Variants in KCNU1 observed in about 807,000 individuals in gnomAD.
The protein encoded by KCNU1 is potassium calcium-activated channel subfamily U member 1.
In KCNU1, 93 loss-of-function variants were observed where a neutral mutation model predicts 126.8. The observed-to-expected ratio is 0.73, with a 90% CI of 0.62 to 0.87. The LOEUF is 0.87. Among genes scored for constraint, KCNU1 ranks in the 40% least tolerant of loss-of-function variants. The pLI is 0.00. For synonymous variants in KCNU1, 523 were observed against 494.2 expected (o/e 1.06, Z -0.77); for missense variants, 1,330 against 1,367.1 (o/e 0.97, Z 0.43).
At chr8:36,912,590 T>G (rs1280698431) in intron 22 of KCNU1, among the ~76,000 whole-genome samples, 2 of 152,118 alleles carry the variant, frequency 1.3e-5, no homozygotes, top group African/African-American at 4.8e-5. Context: ...ACTCCTTGGA[T>G]TCACTCATCA....
Position 36,900,384 on chromosome 8 carries a change from C to T in KCNU1, c.2010-5324C>T, listed in dbSNP as rs899737971. Among the ~76,000 whole-genome samples the T allele has an allele frequency of 9.2e-5, 14 of 151,822 alleles. No homozygotes were observed. In the East Asian group the frequency reaches 9.7e-4, roughly 11 times the overall value. The stretch of plus-strand genomic sequence containing the variant: ...AATTTCCCTCCAAGGTAAAATAAAA[C>T]GCCTCATAAAGAATAAACAGCAATG... On this transcript the variant is annotated intron_variant, in intron 19 of 26. Transcript: ENST00000399881.
intron 10 of KCNU1, among the ~76,000 whole-genome samples, chr8:36,830,300 A>C (rs1183596058): frequency 6.6e-6 from 1 of 151,806 alleles, no homozygotes; most frequent in Non-Finnish European, 1.5e-5. Context: ...TCATTTTTAA[A>C]AGCACCTTTA....
intron 2 of KCNU1, among the ~76,000 whole-genome samples, chr8:36,803,756 GACAAAC>G (rs1464276753): frequency 6.6e-6 from 1 of 152,146 alleles, no homozygotes; most frequent in Non-Finnish European, 1.5e-5. Context: ...CAGCAGGAAG[GACAAAC>G]TGTGTATTCT....
chr8:36,792,945 T>A (rs1462308981), intron 2 of KCNU1, among the ~76,000 whole-genome samples: 1 of 152,088 alleles, frequency 6.6e-6, no homozygotes, highest in Non-Finnish European at 1.5e-5. Context: ...ATTCTAACAA[T>A]AAGTGATATC....
chr8:36,928,498 A>C (rs934745999), intron 24 of KCNU1, among the ~76,000 whole-genome samples: 1 of 152,140 alleles, frequency 6.6e-6, no homozygotes, highest in Non-Finnish European at 1.5e-5. Context: ...AAGAAGAAAC[A>C]TAAGGAGGAA....
chr8:36,808,634 G>T, intron 6 of KCNU1, 84 bp from the exon 7 acceptor site: 2 of 833,418 alleles, frequency 2.4e-6, no homozygotes, highest in Admixed American at 2.1e-5. Flanking sequence ...GCCACACTTT[G>T]TGTAGCAACA....
intron 2 of KCNU1, among the ~76,000 whole-genome samples, 170 bp from the exon 3 acceptor site, chr8:36,803,857 A>G (rs1803400042): frequency 6.6e-6 from 1 of 152,084 alleles, no homozygotes; most frequent in African/African-American, 2.4e-5. Flanking sequence ...ATCAAGTTGG[A>G]CCTTGAATCG....
Position 36,836,844 on chromosome 8 carries a change from A to T in KCNU1, c.1417A>T (p.Ile473Phe). The change falls in exon 14 of 27, where the codon ATC becomes TTC. Residue 473 changes from isoleucine (I) to phenylalanine (F), a missense_variant. Ile to Phe is a conservative substitution (Grantham distance 21). Transcript: ENST00000399881. ...GAACTGGGACACCGGAGACAACATC[A>T]TCTGCTTTGCTGAATTAAAACTTGG... Reference protein sequence around the residue: ...SWNWDTGDNIICFAELKLGFI... With the variant: ...SWNWDTGDNIFCFAELKLGFI... 6.2e-7 allele frequency: 1 copy of T among 1,613,836 alleles called. No individual in the cohort carries two copies. Among genetic ancestry groups the T allele is most frequent in the Non-Finnish European group, 8.5e-7 (1 of 1,179,774 alleles).
chr8:36,854,496 A>G (rs1805463002), intron 18 of KCNU1, among the ~76,000 whole-genome samples: 1 of 148,314 alleles, frequency 6.7e-6, no homozygotes, highest in South Asian at 2.1e-4. Flanking sequence ...TGCATGCTCA[A>G]GTCTGATCTT....
rs188726172 is a variant in KCNU1, at chr8:36,912,836, C to T, written c.2521+1717C>T. ...TACAAAAATTAGCTTGGTGTGGTGG[C>T]GCACGCCTGTAATCCCAGCTACTCG... is the stretch of plus-strand genomic sequence containing the variant. On this transcript the variant is annotated intron_variant, in intron 22 of 26. Coordinates refer to ENST00000399881, the MANE Select transcript of KCNU1 (RefSeq NM_001031836.3). 1.4e-4 allele frequency among the ~76,000 whole-genome samples: 21 copies of T among 151,090 alleles called. No homozygotes were observed. In the South Asian group the frequency reaches 2.9e-3, roughly 21 times the overall value.
At chr8:36,915,110 A>T (rs1052304745) in intron 22 of KCNU1, among the ~76,000 whole-genome samples, 9 of 152,232 alleles carry the variant, frequency 5.9e-5, no homozygotes, top group Admixed American at 2.6e-4. Context: ...CGATTAGAAC[A>T]CTAGATTCTA....
At chr8:36,800,555 G>T (rs533465875) in intron 2 of KCNU1, among the ~76,000 whole-genome samples, 1 of 152,146 alleles carries the variant, frequency 6.6e-6, no homozygotes, top group Non-Finnish European at 1.5e-5. Flanking sequence ...TCAGCCTCAG[G>T]GTGTCTCCTC....
chr8:36,882,898 C>G (rs910204585), intron 19 of KCNU1, among the ~76,000 whole-genome samples: 2 of 152,196 alleles, frequency 1.3e-5, no homozygotes, highest in African/African-American at 4.8e-5. Flanking sequence ...ATTTGTTTAA[C>G]TGTTAAATAT....
intron 19 of KCNU1, among the ~76,000 whole-genome samples, chr8:36,871,995 A>G (rs1806120650): frequency 6.6e-6 from 1 of 152,150 alleles, no homozygotes; most frequent in Non-Finnish European, 1.5e-5. Flanking sequence ...AACTCTCTTC[A>G]AGGCCTTGAG....
chr8:36,918,921 A>G (rs765825428), intron 23 of KCNU1, 24 bp downstream of exon 23: 8 of 1,445,704 alleles, frequency 5.5e-6, no homozygotes, highest in Non-Finnish European at 7.8e-6. Context: ...CGAGGGGAAA[A>G]TTCAATGGAG....
intron 10 of KCNU1, among the ~76,000 whole-genome samples, chr8:36,820,381 T>A: frequency 6.6e-6 from 1 of 151,430 alleles, no homozygotes. Flanking sequence ...GCCAGAAGAG[T>A]TGCATGGAGA....
At chr8:36,877,472 T>G (rs1402257243) in intron 19 of KCNU1, among the ~76,000 whole-genome samples, 1 of 151,970 alleles carries the variant, frequency 6.6e-6, no homozygotes, top group Non-Finnish European at 1.5e-5. Flanking sequence ...CCAGCTGATT[T>G]TTGTATTTTT....
intron 3 of KCNU1, among the ~76,000 whole-genome samples, chr8:36,804,696 G>A (rs16885429): frequency 0.011 from 1,634 of 152,278 alleles, 39 homozygotes; most frequent in African/African-American, 0.037. Context: ...TGGGATTGCA[G>A]GGCCACAGAA....
At chr8:36,789,143 C>A (rs896536190) in intron 2 of KCNU1, among the ~76,000 whole-genome samples, 3 of 152,030 alleles carry the variant, frequency 2.0e-5, no homozygotes, top group Admixed American at 6.6e-5. Context: ...ATCGCTTGAG[C>A]CTAGGAGATC....
Sources: allele counts gnomAD v4.1 joint callset (sites outside exome capture counted in the v4.1 genomes callset), GRCh38; gene constraint gnomAD v4.1.1; transcripts MANE v1.5; gene names NCBI Gene and HGNC (gene_info 2026-07-23, HGNC 2026-07-21).